Variants in PRICKLE2 observed in about 807,000 individuals in gnomAD.
PRICKLE2 encodes the protein prickle planar cell polarity protein 2, also known as prickle-like protein 2.
PRICKLE2 carries 21 observed loss-of-function variants against 81.4 expected under a neutral mutation model. That is an observed-to-expected ratio of 0.26 (90% CI 0.18 to 0.37). PRICKLE2 has a LOEUF of 0.37. PRICKLE2 is among the 10% of genes least tolerant of loss of function. The pLI, the probability that PRICKLE2 is intolerant of heterozygous loss-of-function variation, is 1.00. For synonymous variants in PRICKLE2, 456 were observed against 421.5 expected (o/e 1.08, Z -1.00); for missense variants, 940 against 1,109.0 (o/e 0.85, Z 2.16).
Position 64,160,001 on chromosome 3 carries a change from T to C in PRICKLE2, c.335A>G (p.Asn112Ser). ...AGGCCTGACATTCCCGCGGCCCAAG[T>C]TTTCGCGTTTCCTCTGGCTGCTGAA... ...KLFSSQRKRENLGRGNVRPFP... is the reference protein window; with the variant it reads ...KLFSSQRKRESLGRGNVRPFP... Residue 112 changes from asparagine (N) to serine (S), a missense_variant, in exon 4 of 8, where the codon AAC (asparagine) becomes AGC (serine). By Grantham distance (46) the Asn-to-Ser change is conservative (BLOSUM62 1). This residue lies in a region of PRICKLE2 where 270 missense variants were observed against 391.8 expected (regional missense o/e 0.69). Transcript: ENST00000638394. The C allele has an allele frequency of 1.2e-6, 2 of 1,614,110 alleles. No individual in the cohort carries two copies. The highest frequency in any genetic ancestry group is 4.5e-5 in the East Asian group (2 of 44,868).
At chr3:64,246,273 A>C (rs2107175670) in intron 2 of PRICKLE2, among the ~76,000 whole-genome samples, 1 of 151,760 alleles carries the variant, frequency 6.6e-6, no homozygotes, top group African/African-American at 2.4e-5. Flanking sequence ...AAAACTGTAC[A>C]CCTCTCTTCC....
At chr3:64,161,398 G>T (rs147678005) in intron 3 of PRICKLE2, among the ~76,000 whole-genome samples, 143 of 152,332 alleles carry the variant, frequency 9.4e-4, no homozygotes, top group Non-Finnish European at 1.5e-3. Context: ...CAGATGGTTA[G>T]AGGGAAACCT....
intron 2 of PRICKLE2, among the ~76,000 whole-genome samples, chr3:64,197,988 G>A (rs1397644875): frequency 6.6e-6 from 1 of 152,112 alleles, no homozygotes; most frequent in East Asian, 1.9e-4. Context: ...AACACGGACG[G>A]ATCACGAGGT....
intron 5 of PRICKLE2, 115 bp downstream of exon 5, chr3:64,157,047 A>C (rs2107034188): frequency 1.0e-6 from 1 of 980,762 alleles, no homozygotes; most frequent in East Asian, 2.4e-5. Context: ...GGGTTAATGC[A>C]AGAAAATGAA....
In PRICKLE2 at chr3:64,216,833, C is replaced by T. The variant is rs185299449; in HGVS notation, c.-41+8077G>A. Among the ~76,000 whole-genome samples the T allele has an allele frequency of 1.1e-3, 168 of 152,324 alleles. 3 individuals are homozygous for T. In the Middle Eastern group the frequency reaches 0.017, roughly 15 times the overall value. On this transcript the variant is annotated intron_variant, in intron 1 of 7. Coordinates refer to ENST00000638394, the MANE Select transcript of PRICKLE2 (RefSeq NM_198859.4). Reference sequence around the variant, plus strand: ...TTTGCTGTGCATTTTCACCCTCCTTCCTAATGAGGCAGGCACTTCGGAGTG... The same window carrying T: ...TTTGCTGTGCATTTTCACCCTCCTTTCTAATGAGGCAGGCACTTCGGAGTG...
At chr3:64,144,100 G>A (rs2077406121) in intron 7 of PRICKLE2, among the ~76,000 whole-genome samples, 1 of 152,140 alleles carries the variant, frequency 6.6e-6, no homozygotes, top group African/African-American at 2.4e-5. Context: ...GCCTCATTTT[G>A]TTTGTCTAGC....
chr3:64,108,962 G>A (rs768780230), intron 7 of PRICKLE2, among the ~76,000 whole-genome samples: 17 of 152,060 alleles, frequency 1.1e-4, no homozygotes, highest in Admixed American at 5.9e-4. Flanking sequence ...TGACAGCCCC[G>A]AAATGTCTCC....
intron 2 of PRICKLE2, among the ~76,000 whole-genome samples, chr3:64,258,334 T>A (rs1218006124): frequency 1.3e-5 from 2 of 152,136 alleles, no homozygotes; most frequent in Admixed American, 1.3e-4. Flanking sequence ...CCAGCAACAA[T>A]TGAATGAATA....
At chr3:64,207,677 A>T (rs910156156) in intron 1 of PRICKLE2, among the ~76,000 whole-genome samples, 1 of 152,222 alleles carries the variant, frequency 6.6e-6, no homozygotes, top group African/African-American at 2.4e-5. Context: ...TGGGAATTAC[A>T]TATAACATAT....
chr3:64,151,840 G>C (rs975878356), intron 6 of PRICKLE2, among the ~76,000 whole-genome samples: 1 of 152,156 alleles, frequency 6.6e-6, no homozygotes, highest in Non-Finnish European at 1.5e-5. Flanking sequence ...GAAAGCTCCT[G>C]GGTACTGAGT....
intron 2 of PRICKLE2, among the ~76,000 whole-genome samples, chr3:64,167,336 T>C (rs981374675): frequency 3.3e-5 from 5 of 152,242 alleles, no homozygotes; most frequent in Admixed American, 1.3e-4. Flanking sequence ...TTGAATGTGC[T>C]AAAGACTTTG....
rs26938 is a variant in PRICKLE2, at chr3:64,097,446, A to C, written c.*1605T>G. 141,855 of 152,584 alleles carry C rather than the reference A, an allele frequency of 0.93. 66,708 individuals carry two copies. Among genetic ancestry groups the C allele is most frequent in the Non-Finnish European group, 1 (67,886 of 68,038 alleles). 9.5% of individuals were successfully genotyped at this position (152,584 alleles called of 1,614,324 possible). On this transcript the variant is annotated 3_prime_UTR_variant, in exon 8 of 8. Transcript: ENST00000638394. ...CAGTACATCTCACTACAGGTGGGTC[A>C]TCCGATGGATTATTTCAACTGCCAC...
At chr3:64,163,365 T>G (rs1282183901) in intron 2 of PRICKLE2, 7 of 565,126 alleles carry the variant, frequency 1.2e-5, no homozygotes, top group Non-Finnish European at 2.2e-5. Flanking sequence ...GAGGGAAAAA[T>G]AAAGCTAGTA....
intron 6 of PRICKLE2, among the ~76,000 whole-genome samples, chr3:64,152,756 C>T (rs1230470586): frequency 6.6e-6 from 1 of 152,144 alleles, no homozygotes; most frequent in East Asian, 1.9e-4. Flanking sequence ...CACATAGTCC[C>T]CACTTGGAGG....
At chr3:64,101,155 T>C (rs1348777888) in intron 7 of PRICKLE2, 1 of 152,228 alleles carries the variant, frequency 6.6e-6, no homozygotes, top group Non-Finnish European at 1.5e-5. Flanking sequence ...TTCTGTTGGG[T>C]GTACGACCAA....
At chr3:64,151,042 G>A (rs367929336) in intron 6 of PRICKLE2, among the ~76,000 whole-genome samples, 130 of 152,282 alleles carry the variant, frequency 8.5e-4, no homozygotes, top group Middle Eastern at 6.8e-3. Context: ...CACAGCCTCG[G>A]TCTGTTTATA....
chr3:64,113,932 G>A (rs1382773670), intron 7 of PRICKLE2, among the ~76,000 whole-genome samples: 1 of 152,192 alleles, frequency 6.6e-6, no homozygotes, highest in Non-Finnish European at 1.5e-5. Flanking sequence ...CTGTCATTGT[G>A]GTGAACACCC....
intron 7 of PRICKLE2, among the ~76,000 whole-genome samples, chr3:64,116,297 C>G (rs895349669): frequency 6.6e-6 from 1 of 151,902 alleles, no homozygotes; most frequent in Admixed American, 6.6e-5. Flanking sequence ...ACTAGAGAAT[C>G]AAGTGCAAAG....
At chr3:64,166,599 C>G (rs1230245527) in intron 2 of PRICKLE2, among the ~76,000 whole-genome samples, 2 of 152,182 alleles carry the variant, frequency 1.3e-5, no homozygotes, top group Non-Finnish European at 2.9e-5. Flanking sequence ...CAAAATTATT[C>G]CAGTAATTCC....
Sources: gnomAD v4.1 joint callset for allele counts (sites outside exome capture counted in the v4.1 genomes callset) on GRCh38, gnomAD v4.1.1 for gene constraint, gnomAD v4.1.1 regional missense constraint, MANE v1.5 for transcripts, NCBI Gene and HGNC (gene_info 2026-07-23, HGNC 2026-07-21) for gene names.